The following GPA33 variants were observed in gnomAD, a reference collection of about 807,000 sequenced individuals.
GPA33 encodes cell surface A33 antigen.
A neutral mutation model predicts 35.6 loss-of-function variants in GPA33; 27 were observed. That is an observed-to-expected ratio of 0.76 (90% confidence interval 0.56 to 1.04). GPA33 has a LOEUF of 1.04. GPA33 is among the 50% of genes least tolerant of loss of function. The pLI is 0.00. For missense variants in GPA33, 428 were observed against 411.9 expected, an observed-to-expected ratio of 1.04 and a Z score of -0.34; for synonymous variants, 176 against 164.0, an observed-to-expected ratio of 1.07 and a Z score of -0.56.
At chr1:167,084,761 G>A (rs79893672) in intron 1 of GPA33, among the ~76,000 whole-genome samples, 4,939 of 152,268 alleles carry the variant, frequency 0.032, 231 homozygotes, top group African/African-American at 0.11. Context: ...CCAGCATAAA[G>A]CATAAAGCAA....
At chr1:167,067,688 G>A (rs1234467428) in intron 3 of GPA33, among the ~76,000 whole-genome samples, 1 of 152,128 alleles carries the variant, frequency 6.6e-6, no homozygotes, top group Non-Finnish European at 1.5e-5. Context: ...TCATCAGTAT[G>A]GAACACTTGA....
intron 1 of GPA33, 82 bp downstream of exon 1, chr1:167,090,163 C>A: frequency 9.1e-7 from 1 of 1,097,136 alleles, no homozygotes. Flanking sequence ...CCTGGGAAGG[C>A]TCTGACAGAG....
rs181157305 is a variant in GPA33 at position 167,066,375 on chromosome 1, A to T, written c.415+2547T>A. Among the ~76,000 whole-genome samples, 81 of 152,332 alleles carry T rather than the reference A, an allele frequency of 5.3e-4. No homozygotes were observed. In the South Asian group the frequency reaches 7.5e-3, roughly 14 times the overall value. On this transcript the variant is annotated intron_variant, in intron 3 of 6. Transcript: ENST00000367868. ...TTCTAAGGGAAAACTGCTGAAAGCA[A>T]ATCCTTAATTCTCTCCAGAGGCAGA...
chr1:167,079,268 G>A (rs189419838), intron 1 of GPA33, among the ~76,000 whole-genome samples: 25 of 152,174 alleles, frequency 1.6e-4, no homozygotes, highest in African/African-American at 5.3e-4. Flanking sequence ...TAAGGCGGGC[G>A]GATTGCCTGA....
intron 1 of GPA33, among the ~76,000 whole-genome samples, chr1:167,084,102 A>G (rs1281288979): frequency 6.6e-6 from 1 of 152,148 alleles, no homozygotes; most frequent in African/African-American, 2.4e-5. Context: ...GGCCATGACA[A>G]CGATTTGAGT....
chr1:167,056,772 G>A (rs111205573), intron 4 of GPA33, among the ~76,000 whole-genome samples: 161 of 1,156 alleles, frequency 0.14, 15 homozygotes, highest in East Asian at 0.28. Flanking sequence ...TGTGTGGTGT[G>A]TGTGGCATGT....
chr1:167,056,740 T>A (rs1435656686), intron 4 of GPA33, among the ~76,000 whole-genome samples: 2 of 119,744 alleles, frequency 1.7e-5, no homozygotes, highest in African/African-American at 6.5e-5. Flanking sequence ...GTATGTGGTG[T>A]GTGTGGTGTG....
At chr1:167,063,557 C>G in intron 4 of GPA33, 25 bp downstream of exon 4, 1 of 1,580,088 alleles carries the variant, frequency 6.3e-7, no homozygotes, top group Non-Finnish European at 8.6e-7. Flanking sequence ...ACGTGGGGAG[C>G]CCGCCTTCCC....
chr1:167,055,008 G>T lies in GPA33; in HGVS notation c.795C>A (p.Asp265Glu). Residue 265 changes from aspartate (D) to glutamate (E), a missense_variant, in exon 6 of 7, where the codon GAC becomes GAA. By Grantham distance (45) the Asp-to-Glu change is conservative. Transcript: ENST00000367868. ...IIYCCCCRGK[D>E]DNTEDKEDAR... ...CATCCTCCTTGTCTTCAGTGTTGTC[G>T]TCCTTCCCTCGGCAGCAGCAGCAGT... 1 of 1,613,980 alleles carries T rather than the reference G, an allele frequency of 6.2e-7. No homozygotes were observed. Among genetic ancestry groups the T allele is most frequent in the Non-Finnish European group, 8.5e-7 (1 of 1,180,022 alleles).
intron 2 of GPA33, 26 bp downstream of exon 2, chr1:167,073,359 T>G (rs1340504446): frequency 6.2e-7 from 1 of 1,601,466 alleles, no homozygotes. Flanking sequence ...ATTCCCATGT[T>G]GCCTGAACTT....
At chr1:167,063,520 C>G in intron 4 of GPA33, 62 bp downstream of exon 4, 1 of 1,471,470 alleles carries the variant, frequency 6.8e-7, no homozygotes, top group Non-Finnish European at 9.3e-7. Flanking sequence ...CAGCCCCTAG[C>G]CAATCAGCTG....
intron 1 of GPA33, among the ~76,000 whole-genome samples, chr1:167,084,215 A>G (rs1001860711): frequency 6.6e-6 from 1 of 152,248 alleles, no homozygotes; most frequent in African/African-American, 2.4e-5. Flanking sequence ...CAGGGTGGAC[A>G]GCAGTTAGGA....
intron 2 of GPA33, 55 bp from the exon 3 acceptor site, chr1:167,069,193 T>C (rs1666667375): frequency 6.3e-6 from 8 of 1,268,280 alleles, no homozygotes; most frequent in Non-Finnish European, 9.0e-6. Flanking sequence ...TGCCTGGTGC[T>C]TCCAGCCTGC....
At chr1:167,083,682 G>A (rs1666998339) in intron 1 of GPA33, among the ~76,000 whole-genome samples, 2 of 152,150 alleles carry the variant, frequency 1.3e-5, no homozygotes, top group Non-Finnish European at 2.9e-5. Context: ...CCTGAGGAAG[G>A]GCCTTTTGAG....
chr1:167,069,803 G>A (rs374567106), intron 2 of GPA33, among the ~76,000 whole-genome samples: 4 of 152,376 alleles, frequency 2.6e-5, no homozygotes, highest in African/African-American at 9.6e-5. Context: ...TCTCAGGACT[G>A]TAGTGAGAAT....
chr1:167,060,866 G>A (rs1430775493), intron 4 of GPA33, among the ~76,000 whole-genome samples: 2 of 151,970 alleles, frequency 1.3e-5, no homozygotes, highest in East Asian at 1.9e-4. Context: ...ACCTACACAC[G>A]CACCCTACCC....
Position 167,063,655 on chromosome 1 carries a change from C to G in GPA33, c.498G>C (p.Glu166Asp). Residue 166 changes from glutamate to aspartate, a missense_variant, in exon 4 of 7, where the codon GAG becomes GAC. By Grantham distance (45) the Glu-to-Asp change is conservative. Coordinates refer to ENST00000367868, the MANE Select transcript of GPA33 (RefSeq NM_005814.3). ...AGCTGTACTGAGGGGTTGGTGAGCC[C>G]TCCTTTGATTGGCAGGTCAGCTGGA... ...NNIQLTCQSK[E>D]GSPTPQYSWK... 1 of 1,613,772 alleles carries G rather than the reference C, an allele frequency of 6.2e-7. No individual in the cohort carries two copies. Among genetic ancestry groups the G allele is most frequent in the African/African-American group, 1.3e-5 (1 of 75,012 alleles).
At chr1:167,085,960 T>C (rs1047885534) in intron 1 of GPA33, among the ~76,000 whole-genome samples, 12 of 152,222 alleles carry the variant, frequency 7.9e-5, no homozygotes, top group Non-Finnish European at 5.9e-5. Flanking sequence ...ACTGGGCATC[T>C]GTATTTTCAC....
At chr1:167,084,672 G>T (rs777732478) in intron 1 of GPA33, among the ~76,000 whole-genome samples, 7 of 152,180 alleles carry the variant, frequency 4.6e-5, no homozygotes, top group Admixed American at 1.3e-4. Context: ...CTGGAGAGAG[G>T]AATTAGACTA....
Sources: gnomAD v4.1 joint callset for allele counts (sites outside exome capture counted in the v4.1 genomes callset) on GRCh38, gnomAD v4.1.1 for gene constraint, MANE v1.5 for transcripts, NCBI Gene and HGNC (gene_info 2026-07-23, HGNC 2026-07-21) for gene names.